B4GALNT3: variants seen among roughly 807,000 people sequenced by gnomAD.
B4GALNT3 encodes beta-1,4-N-acetylgalactosaminyltransferase 3.
A neutral mutation model predicts 120.2 loss-of-function variants in B4GALNT3; 86 were observed. The ratio of observed to expected loss-of-function variants is 0.72; its 90% CI spans 0.60 to 0.86. B4GALNT3 has a LOEUF of 0.86. B4GALNT3 is among the 40% of genes least tolerant of loss of function. The pLI is 0.00. For synonymous variants in B4GALNT3, 518 were observed against 510.4 expected (o/e 1.01, Z -0.20); for missense variants, 1,167 against 1,298.9 (o/e 0.90, Z 1.56).
chr12:483,874 A>G (rs1156309634), intron 1 of B4GALNT3, among the ~76,000 whole-genome samples: 6 of 152,184 alleles, frequency 3.9e-5, no homozygotes, highest in Non-Finnish European at 8.8e-5. Flanking sequence ...AAGTGCTCAC[A>G]TCTTAGCCAT....
At chr12:554,887 A>C (rs1016673505) in intron 14 of B4GALNT3, among the ~76,000 whole-genome samples, 1 of 151,866 alleles carries the variant, frequency 6.6e-6, no homozygotes, top group Non-Finnish European at 1.5e-5. Context: ...CTTTGAAACA[A>C]ATTATACTGG....
intron 1 of B4GALNT3, among the ~76,000 whole-genome samples, chr12:502,060 G>T (rs1946449073): frequency 6.6e-6 from 1 of 152,230 alleles, no homozygotes; most frequent in Non-Finnish European, 1.5e-5. Flanking sequence ...CCTCTCCTAA[G>T]GCTGAGAGCA....
chr12:545,175 C>T (rs1946977365), intron 5 of B4GALNT3, 194 bp from the exon 6 acceptor site: 1 of 1,443,360 alleles, frequency 6.9e-7, no homozygotes, highest in Admixed American at 2.7e-5. Flanking sequence ...AGCCTGGAAC[C>T]AGCTCATCTC....
chr12:553,295 A>T lies in B4GALNT3; in HGVS notation c.1372A>T (p.Thr458Ser). Residue 458 changes from threonine (T) to serine (S), a missense_variant, in exon 14 of 20, where the codon ACA (threonine) becomes TCA (serine). Thr to Ser is a moderately conservative substitution (Grantham distance 58). Transcript: ENST00000266383. ...TGCCAGGATGCTTGAGGGAAGACAG[A>T]CACCTGCCTCCACCCTGGAGCAAGA... ...QNARMLEGRQ[T>S]PASTLEQDAT... is the part of the protein sequence containing the mutation. The T allele has an allele frequency of 6.2e-7, 1 of 1,613,574 alleles. No homozygotes were observed. Among genetic ancestry groups the T allele is most frequent in the Non-Finnish European group, 8.5e-7 (1 of 1,180,036 alleles).
chr12:511,406 TCCTTCCA>T (rs143525841), intron 1 of B4GALNT3, among the ~76,000 whole-genome samples: 739 of 70,744 alleles, frequency 0.01, 74 homozygotes, highest in African/African-American at 0.043. Flanking sequence ...TCTTCCACCT[TCCTTCCA>T]CCTTCCACCT....
chr12:492,531 T>A (rs1946352437), intron 1 of B4GALNT3, among the ~76,000 whole-genome samples: 1 of 152,240 alleles, frequency 6.6e-6, no homozygotes, highest in South Asian at 2.1e-4. Flanking sequence ...GTCAAAACAT[T>A]TGTTCTTCCC....
intron 1 of B4GALNT3, among the ~76,000 whole-genome samples, chr12:527,902 TA>T (rs34672527): frequency 0.38 from 58,017 of 151,484 alleles, 11,864 homozygotes; most frequent in Non-Finnish European, 0.46. Flanking sequence ...AAATGAGAGA[TA>T]ATAAGGAAAT....
rs1446612555 is a variant in B4GALNT3 at position 544,925 on chromosome 12, C to T, written c.491C>T (p.Thr164Ile). 1.2e-6 allele frequency: 2 copies of T among 1,614,062 alleles called. No homozygotes were observed. Among genetic ancestry groups the T allele is most frequent in the East Asian group, 2.2e-5 (1 of 44,878 alleles). ...LRKLAVSPKW[T>I]NYGLRIFGYL... ...AAGCTTGCTGTGTCCCCCAAATGGA[C>T]CAACTATGGCCTCCGCATCTTTGGC... The change falls in exon 5 of 20, where the codon ACC (threonine) becomes ATC (isoleucine). Residue 164 changes from threonine to isoleucine, a missense_variant. This residue lies in a region of B4GALNT3 where 983 missense variants were observed against 1,102.5 expected (regional missense o/e 0.89). Coordinates refer to ENST00000266383, the MANE Select transcript of B4GALNT3 (RefSeq NM_173593.4).
intron 1 of B4GALNT3, among the ~76,000 whole-genome samples, chr12:528,494 T>C (rs182697724): frequency 3.3e-5 from 5 of 152,356 alleles, no homozygotes; most frequent in Admixed American, 6.5e-5. Context: ...TAACCGTTAC[T>C]GTTGTATTAC....
At chr12:497,010 T>C (rs897101385) in intron 1 of B4GALNT3, among the ~76,000 whole-genome samples, 18 of 152,210 alleles carry the variant, frequency 1.2e-4, no homozygotes, top group African/African-American at 4.1e-4. Flanking sequence ...TCACTTTCAA[T>C]TTTTTGTAGA....
intron 1 of B4GALNT3, among the ~76,000 whole-genome samples, chr12:511,915 T>TCTTCCACCTTCCACCTTCCACCTTCCAC (rs1174200582): frequency 1.2e-4 from 11 of 93,860 alleles, no homozygotes; most frequent in African/African-American, 4.7e-4. Context: ...CCTTCGACCT[T>TCTTCCACCTTCCACCTTCCACCTTCCAC]CTTCCACCTT....
intron 1 of B4GALNT3, among the ~76,000 whole-genome samples, chr12:530,085 A>C (rs1471219249): frequency 6.9e-6 from 1 of 144,292 alleles, no homozygotes; most frequent in Non-Finnish European, 1.5e-5. Flanking sequence ...CCTTCGGTAA[A>C]GGTGAGCTGC....
At chr12:552,339 G>T in intron 12 of B4GALNT3, 128 bp from the exon 13 acceptor site, 1 of 903,348 alleles carries the variant, frequency 1.1e-6, no homozygotes. Flanking sequence ...ACACACACCC[G>T]CTCACCAGCC....
At chr12:511,778 T>TC (rs1333104334) in intron 1 of B4GALNT3, among the ~76,000 whole-genome samples, 1 of 58,284 alleles carries the variant, frequency 1.7e-5, no homozygotes, top group Non-Finnish European at 3.3e-5. Context: ...CCTTCCACCT[T>TC]CTTCCACCTT....
chr12:521,343 C>G (rs1946707062), intron 1 of B4GALNT3, among the ~76,000 whole-genome samples: 1 of 152,176 alleles, frequency 6.6e-6, no homozygotes, highest in South Asian at 2.1e-4. Flanking sequence ...GAATTTGAAT[C>G]CTAAGCAGAG....
chr12:512,732 T>C (rs1946603737), intron 1 of B4GALNT3, among the ~76,000 whole-genome samples: 1 of 133,822 alleles, frequency 7.5e-6, no homozygotes. Context: ...TCCACCTTCT[T>C]CCACCTTTGA....
intron 1 of B4GALNT3, among the ~76,000 whole-genome samples, chr12:524,186 A>G (rs781104717): frequency 3.9e-4 from 59 of 152,348 alleles, no homozygotes; most frequent in Non-Finnish European, 7.2e-4. Flanking sequence ...ATGATGTTTC[A>G]TGGGGAGCAG....
intron 1 of B4GALNT3, among the ~76,000 whole-genome samples, chr12:476,519 G>A (rs938205240): frequency 6.6e-6 from 1 of 152,204 alleles, no homozygotes; most frequent in Non-Finnish European, 1.5e-5. Flanking sequence ...GCTGAGGCAG[G>A]TGGATCGCTT....
At chr12:466,929 C>G (rs1001718128) in intron 1 of B4GALNT3, among the ~76,000 whole-genome samples, 25 of 151,982 alleles carry the variant, frequency 1.6e-4, no homozygotes, top group African/African-American at 6.0e-4. Flanking sequence ...CTGAAAATAC[C>G]TGTGTTGGGA....
Sources: allele counts gnomAD v4.1 joint callset (sites outside exome capture counted in the v4.1 genomes callset), GRCh38; gene constraint gnomAD v4.1.1; regional missense constraint gnomAD v4.1.1; transcripts MANE v1.5; gene names NCBI Gene and HGNC (gene_info 2026-07-23, HGNC 2026-07-21).